EPB41L2: variants seen among roughly 807,000 people sequenced by gnomAD.
EPB41L2 encodes the protein band 4.1-like protein 2.
EPB41L2 carries 43 observed loss-of-function variants against 113.0 expected under a neutral mutation model. The observed-to-expected ratio is 0.38, with a 90% CI of 0.30 to 0.49. The LOEUF (loss-of-function observed/expected upper bound fraction) is 0.49. Ranked by LOEUF, EPB41L2 falls within the 20% of genes least tolerant of loss-of-function variation. EPB41L2 has a pLI of 0.95. For missense variants in EPB41L2, 1,147 were observed against 1,223.4 expected (o/e 0.94, Z 0.93); for synonymous variants, 442 against 436.7 (o/e 1.01, Z -0.15).
chr6:130,941,406 G>A (rs985596900), intron 3 of EPB41L2, among the ~76,000 whole-genome samples: 4 of 152,164 alleles, frequency 2.6e-5, no homozygotes, highest in Non-Finnish European at 4.4e-5. Context: ...AGCCAGAAGC[G>A]CACACCAAAT....
intron 14 of EPB41L2, among the ~76,000 whole-genome samples, chr6:130,875,964 G>A (rs1253401272): frequency 2.8e-5 from 4 of 143,040 alleles, no homozygotes; most frequent in African/African-American, 7.6e-5. Flanking sequence ...CAGCCCGGGC[G>A]AATGTGCAAG....
intron 17 of EPB41L2, among the ~76,000 whole-genome samples, chr6:130,864,005 CTTGA>C (rs759213769): frequency 9.2e-5 from 14 of 152,184 alleles, no homozygotes; most frequent in Non-Finnish European, 1.3e-4. Flanking sequence ...CTTAATCTCA[CTTGA>C]TTAAGATAGG....
At chr6:130,939,222 A>C (rs1338220552) in intron 3 of EPB41L2, among the ~76,000 whole-genome samples, 1 of 152,168 alleles carries the variant, frequency 6.6e-6, no homozygotes, top group African/African-American at 2.4e-5. Flanking sequence ...GTGAATAACA[A>C]ATGAATTGCA....
At chr6:131,027,194 G>C (rs1791066612) in intron 1 of EPB41L2, among the ~76,000 whole-genome samples, 1 of 152,116 alleles carries the variant, frequency 6.6e-6, no homozygotes, top group Non-Finnish European at 1.5e-5. Flanking sequence ...TTTTCTATCT[G>C]TATCAGGGCT....
chr6:131,037,871 G>A (rs922578048), intron 1 of EPB41L2, among the ~76,000 whole-genome samples: 65 of 152,046 alleles, frequency 4.3e-4, no homozygotes, highest in African/African-American at 1.5e-3. Flanking sequence ...TTACAGGCAT[G>A]AGCCATCGCA....
At chr6:131,000,613 G>A (rs1222536671) in intron 1 of EPB41L2, 4 of 152,144 alleles carry the variant, frequency 2.6e-5, no homozygotes, top group Admixed American at 2.0e-4. Context: ...AGGAAAAATC[G>A]ACTCACATTT....
At chr6:130,867,810 A>G in intron 15 of EPB41L2, 1 of 480,560 alleles carries the variant, frequency 2.1e-6, no homozygotes, top group South Asian at 2.1e-5. Context: ...ACGTACATAT[A>G]TATGAATGTG....
chr6:131,001,349 G>A lies in EPB41L2; in HGVS notation c.-14-44850C>T, dbSNP rs141426732. On this transcript the variant is annotated intron_variant, in intron 1 of 19. Transcript: ENST00000337057. ...AAAGAGAAAGAGAGCACGTGAGCGC[G>A]AACAAGCATGTGCAGGCAAGCAGTC... Among the ~76,000 whole-genome samples, 11 of 152,196 alleles carry A rather than the reference G, an allele frequency of 7.2e-5. No individual in the cohort carries two copies. In the South Asian group the frequency reaches 2.1e-3, roughly 29 times the overall value.
chr6:131,026,523 T>G (rs1276266952), intron 1 of EPB41L2, among the ~76,000 whole-genome samples: 1 of 152,208 alleles, frequency 6.6e-6, no homozygotes, highest in Non-Finnish European at 1.5e-5. Flanking sequence ...AACAAGACGC[T>G]GACAAGACTG....
At chr6:131,032,400 G>A (rs1792357939) in intron 1 of EPB41L2, among the ~76,000 whole-genome samples, 1 of 151,890 alleles carries the variant, frequency 6.6e-6, no homozygotes, top group Non-Finnish European at 1.5e-5. Context: ...TTTCCCTCAT[G>A]ATTAAAAACT....
At chr6:130,899,264 G>A (rs1795594641) in intron 8 of EPB41L2, among the ~76,000 whole-genome samples, 2 of 151,988 alleles carry the variant, frequency 1.3e-5, no homozygotes, top group South Asian at 2.1e-4. Flanking sequence ...CCTATGAAAG[G>A]GCATTAATTA....
chr6:130,898,944 A>T (rs1458647075), intron 8 of EPB41L2, among the ~76,000 whole-genome samples: 1 of 152,008 alleles, frequency 6.6e-6, no homozygotes, highest in Non-Finnish European at 1.5e-5. Context: ...CCATCTTTCA[A>T]ATTAGACTGA....
intron 11 of EPB41L2, among the ~76,000 whole-genome samples, chr6:130,886,601 ATAGTT>A (rs1477636009): frequency 6.6e-6 from 1 of 151,146 alleles, no homozygotes; most frequent in East Asian, 1.9e-4. Flanking sequence ...TACATTAAGT[ATAGTT>A]ATTTTCCAGC....
intron 19 of EPB41L2, among the ~76,000 whole-genome samples, chr6:130,844,779 A>G (rs918129275): frequency 6.6e-6 from 1 of 152,074 alleles, no homozygotes; most frequent in African/African-American, 2.4e-5. Flanking sequence ...ACGGTGGTTC[A>G]CTCCTGTAAT....
At chr6:131,056,483 A>T (rs962103033) in intron 1 of EPB41L2, among the ~76,000 whole-genome samples, 1 of 152,228 alleles carries the variant, frequency 6.6e-6, no homozygotes, top group African/African-American at 2.4e-5. Flanking sequence ...TAGATACTGG[A>T]CTGAAATTGT....
chr6:130,976,942 C>T (rs1778323454), intron 1 of EPB41L2, among the ~76,000 whole-genome samples: 1 of 152,124 alleles, frequency 6.6e-6, no homozygotes. Flanking sequence ...AAGTCAGACA[C>T]ATAAACAAAT....
At chr6:130,841,749 C>T (rs1775580483) in intron 19 of EPB41L2, among the ~76,000 whole-genome samples, 1 of 152,148 alleles carries the variant, frequency 6.6e-6, no homozygotes, top group African/African-American at 2.4e-5. Flanking sequence ...AGAATGAAGG[C>T]TTACAGCCTG....
At chr6:130,935,276 T>G (rs904806218) in intron 3 of EPB41L2, among the ~76,000 whole-genome samples, 17 of 152,198 alleles carry the variant, frequency 1.1e-4, no homozygotes, top group Non-Finnish European at 2.4e-4. Flanking sequence ...CAGGTTCACC[T>G]TTAATAAAAT....
chr6:131,053,434 TAA>T (rs71030727), intron 1 of EPB41L2, among the ~76,000 whole-genome samples: 13,440 of 89,360 alleles, frequency 0.15, 592 homozygotes, highest in East Asian at 0.34. Context: ...ATGGAAATGA[TAA>T]AAAAAAAAAA....
Sources: gnomAD v4.1 joint callset for allele counts (sites outside exome capture counted in the v4.1 genomes callset) on GRCh38, gnomAD v4.1.1 for gene constraint, MANE v1.5 for transcripts, NCBI Gene and HGNC (gene_info 2026-07-23, HGNC 2026-07-21) for gene names.